The following TLE4 variants were observed in gnomAD, a reference collection of about 807,000 sequenced individuals.
TLE4 encodes the protein transducin-like enhancer protein 4.
TLE4 carries 8 observed loss-of-function variants against 92.8 expected under a neutral mutation model. That is an observed-to-expected ratio of 0.09 (90% CI 0.05 to 0.16). The LOEUF is 0.16. TLE4 is among the 10% of genes least tolerant of loss of function. The probability of loss-of-function intolerance (pLI) is 1.00; values close to 1 mark genes in which losing one functional copy is unlikely to be tolerated. For synonymous variants in TLE4, 371 were observed against 374.1 expected (o/e 0.99, Z 0.10); for missense variants, 675 against 997.6 (o/e 0.68, Z 4.36).
At chr9:79,715,615 G>A (rs961829109) in intron 14 of TLE4, among the ~76,000 whole-genome samples, 2 of 152,012 alleles carry the variant, frequency 1.3e-5, no homozygotes, top group African/African-American at 2.4e-5. Flanking sequence ...TTTCAGGCTC[G>A]TGCCATTGGA....
intron 4 of TLE4, among the ~76,000 whole-genome samples, chr9:79,607,700 T>C (rs548926447): frequency 6.6e-6 from 1 of 152,280 alleles, no homozygotes; most frequent in Admixed American, 6.5e-5. Context: ...TGTGTGGTGT[T>C]ATTTCTGAGG....
intron 8 of TLE4, among the ~76,000 whole-genome samples, chr9:79,704,093 T>C (rs903486139): frequency 2.6e-5 from 4 of 152,162 alleles, no homozygotes; most frequent in Non-Finnish European, 5.9e-5. Flanking sequence ...CCCTTTTTTC[T>C]CATATATGCT....
chr9:79,608,581 T>A (rs2047632473), intron 4 of TLE4, among the ~76,000 whole-genome samples: 1 of 152,038 alleles, frequency 6.6e-6, no homozygotes, highest in Admixed American at 6.6e-5. Flanking sequence ...TTTAAAAAAA[T>A]TTTGGCAAGA....
chr9:79,645,355 G>A (rs1406907520), intron 6 of TLE4, among the ~76,000 whole-genome samples: 1 of 152,190 alleles, frequency 6.6e-6, no homozygotes, highest in Admixed American at 6.5e-5. Context: ...TAGAGTTGGA[G>A]TGGGGGTGAA....
chr9:79,719,087 C>A, intron 15 of TLE4, 116 bp downstream of exon 15: 1 of 1,431,818 alleles, frequency 7.0e-7, no homozygotes, highest in Non-Finnish European at 9.3e-7. Context: ...TGGATAGTTG[C>A]TCTTCAGGGG....
chr9:79,607,216 GTTGT>G (rs748144069), intron 4 of TLE4, among the ~76,000 whole-genome samples: 2 of 152,106 alleles, frequency 1.3e-5, no homozygotes, highest in Non-Finnish European at 2.9e-5. Flanking sequence ...TTTTGATGGG[GTTGT>G]TTGTTTTTTT....
chr9:79,573,265 C>T, intron 1 of TLE4: 2 of 1,021,428 alleles, frequency 2.0e-6, no homozygotes, highest in East Asian at 1.0e-4. Context: ...GGCGAGCGGG[C>T]GAACGAACGA....
chr9:79,701,722 C>G (rs1208107870), intron 8 of TLE4, among the ~76,000 whole-genome samples: 1 of 152,146 alleles, frequency 6.6e-6, no homozygotes, highest in East Asian at 1.9e-4. Context: ...AATTGTTCAT[C>G]CTAGTGATGC....
intron 6 of TLE4, among the ~76,000 whole-genome samples, chr9:79,644,622 C>T (rs7019624): frequency 0.14 from 21,955 of 152,194 alleles, 1,707 homozygotes; most frequent in African/African-American, 0.19. Flanking sequence ...ACACCTAGCC[C>T]GACTTACAGA....
In TLE4 at chr9:79,572,713, C is replaced by T; in HGVS notation, c.-78C>T. On this transcript the variant is annotated 5_prime_UTR_variant, in exon 1 of 20. Transcript: ENST00000376552. The stretch of plus-strand genomic sequence containing the variant: ...ACCGAGCCGGCCGCCTCCGCTGCCG[C>T]GGCCGCCTCCTCTTCGGGGTCATTA... The T allele has an allele frequency of 2.0e-6, 3 of 1,503,618 alleles. No individual in the cohort carries two copies. The highest frequency in any genetic ancestry group is 1.2e-5 in the South Asian group (1 of 85,248). The allele number at this position is 1,503,618 out of a possible 1,614,324, so 93.1% of individuals were successfully genotyped here.
intron 8 of TLE4, among the ~76,000 whole-genome samples, chr9:79,679,106 G>T (rs1047069787): frequency 2.0e-5 from 3 of 151,996 alleles, no homozygotes; most frequent in Non-Finnish European, 4.4e-5. Flanking sequence ...CTTTATAGCA[G>T]CATGATGTAT....
intron 6 of TLE4, chr9:79,649,923 G>GT (rs368464088): frequency 0.12 from 133,804 of 1,135,608 alleles, 2,269 homozygotes; most frequent in South Asian, 0.13. Flanking sequence ...TTTGTTTTTT[G>GT]TTTTTTTTTT....
intron 8 of TLE4, among the ~76,000 whole-genome samples, chr9:79,665,458 TCA>T (rs2061242829): frequency 6.6e-6 from 1 of 152,334 alleles, no homozygotes; most frequent in Admixed American, 6.5e-5. Flanking sequence ...TCTTCATTTC[TCA>T]GAGCTTCTGG....
intron 6 of TLE4, among the ~76,000 whole-genome samples, chr9:79,635,002 G>A (rs2055341131): frequency 6.6e-6 from 1 of 152,174 alleles, no homozygotes; most frequent in African/African-American, 2.4e-5. Context: ...GGATTGCTGA[G>A]TTACATGGTA....
At chr9:79,710,901 G>C (rs2073111694) in intron 14 of TLE4, among the ~76,000 whole-genome samples, 1 of 152,166 alleles carries the variant, frequency 6.6e-6, no homozygotes, top group African/African-American at 2.4e-5. Flanking sequence ...CTGGTTCATA[G>C]TGGTGCTCAC....
At chr9:79,666,772 T>C (rs894370444) in intron 8 of TLE4, among the ~76,000 whole-genome samples, 4 of 152,168 alleles carry the variant, frequency 2.6e-5, no homozygotes, top group African/African-American at 7.2e-5. Context: ...CACACAACAT[T>C]ACATGGAAAC....
intron 4 of TLE4, among the ~76,000 whole-genome samples, chr9:79,599,026 T>C (rs1236213887): frequency 6.6e-6 from 1 of 152,180 alleles, no homozygotes; most frequent in African/African-American, 2.4e-5. Context: ...CCTCCATCTT[T>C]CCTCTTGTGG....
chr9:79,715,792 C>G (rs1169366433), intron 14 of TLE4, among the ~76,000 whole-genome samples: 1 of 152,162 alleles, frequency 6.6e-6, no homozygotes, highest in East Asian at 1.9e-4. Context: ...CCCCTCATCT[C>G]TAGTGAACAT....
intron 4 of TLE4, among the ~76,000 whole-genome samples, chr9:79,597,953 C>T (rs2044445680): frequency 6.6e-6 from 1 of 151,960 alleles, no homozygotes; most frequent in Admixed American, 6.5e-5. Flanking sequence ...GACTCACTGG[C>T]CTGGCGTGGT....
Sources: allele counts gnomAD v4.1 joint callset (sites outside exome capture counted in the v4.1 genomes callset), GRCh38; gene constraint gnomAD v4.1.1; transcripts MANE v1.5; gene names NCBI Gene and HGNC (gene_info 2026-07-23, HGNC 2026-07-21).